The following DNAJC3 variants were observed in gnomAD, a reference collection of about 807,000 sequenced individuals.
DNAJC3 encodes the protein DnaJ heat shock protein family (Hsp40) member C3, also known as dnaJ homolog subfamily C member 3.
Under a neutral mutation model 68.6 loss-of-function variants are expected in DNAJC3, and 38 were observed. The observed-to-expected ratio is 0.55, with a 90% CI of 0.43 to 0.73. The LOEUF (loss-of-function observed/expected upper bound fraction) is 0.73. Among genes scored for constraint, DNAJC3 ranks in the 30% least tolerant of loss-of-function variants. The pLI, the probability that DNAJC3 is intolerant of heterozygous loss-of-function variation, is 0.00. For synonymous variants in DNAJC3, 203 were observed against 204.0 expected (o/e 1.00, Z 0.04); for missense variants, 526 against 591.9 (o/e 0.89, Z 1.16).
rs745312190 is a variant in DNAJC3 at position 95,792,570 on chromosome 13, G to A, written c.*1540G>A. On this transcript the variant is annotated 3_prime_UTR_variant, in exon 12 of 12. Coordinates refer to ENST00000602402, the MANE Select transcript of DNAJC3 (RefSeq NM_006260.5). ...GTCTGTAGTCATATCCTGAAACATA[G>A]GTGGACAAATTTTTAACTGAGAGAC... The A allele has an allele frequency of 1.3e-5, 2 of 152,104 alleles. No homozygotes were observed. The highest frequency in any genetic ancestry group is 2.9e-5 in the Non-Finnish European group (2 of 68,020). 9.4% of individuals were successfully genotyped at this position (152,104 alleles called of 1,614,324 possible). A position where few individuals can be genotyped will look rare whatever the true frequency, so the allele number is the denominator to read the frequency against.
chr13:95,691,925 C>T (rs559151072), intron 1 of DNAJC3, among the ~76,000 whole-genome samples: 5 of 152,302 alleles, frequency 3.3e-5, no homozygotes, highest in South Asian at 2.1e-4. Flanking sequence ...CGTGGCGGCG[C>T]GCGCCTGCAA....
At chr13:95,709,181 C>A in intron 1 of DNAJC3, 46 bp from the exon 2 acceptor site, 2 of 1,331,792 alleles carry the variant, frequency 1.5e-6, no homozygotes, top group Non-Finnish European at 2.0e-6. Context: ...AGAATTAAAT[C>A]TTAGTTCGTG....
In DNAJC3 at chr13:95,791,799, ATAG is replaced by A. The variant is rs765648035; in HGVS notation, c.*771_*773del. 6.6e-5 allele frequency: 10 copies of A among 152,384 alleles called. No individual in the cohort carries two copies. The East Asian group carries it at 1.7e-3, about 26-fold the overall frequency. 9.4% of individuals were successfully genotyped at this position (152,384 alleles called of 1,614,324 possible). A position where few individuals can be genotyped will look rare whatever the true frequency, so the allele number is the denominator to read the frequency against. ...TATAGGTAAAATAAGTTCAGATAAA[ATAG>A]TGGTGGTATTTAAAATAATATTGCT... On this transcript the variant is annotated 3_prime_UTR_variant, in exon 12 of 12. Coordinates refer to ENST00000602402, the MANE Select transcript of DNAJC3 (RefSeq NM_006260.5).
chr13:95,767,401 A>C (rs1441454514), intron 9 of DNAJC3, among the ~76,000 whole-genome samples: 1 of 152,116 alleles, frequency 6.6e-6, no homozygotes, highest in African/African-American at 2.4e-5. Flanking sequence ...TGGATATCCC[A>C]CATTTTGTTT....
chr13:95,698,342 C>T (rs964286028), intron 1 of DNAJC3, among the ~76,000 whole-genome samples: 2 of 152,114 alleles, frequency 1.3e-5, no homozygotes, highest in Non-Finnish European at 2.9e-5. Context: ...AGGTGATGGG[C>T]TAGACAGTGG....
At chr13:95,705,218 C>A (rs1880699466) in intron 1 of DNAJC3, among the ~76,000 whole-genome samples, 1 of 152,090 alleles carries the variant, frequency 6.6e-6, no homozygotes, top group African/African-American at 2.4e-5. Context: ...GTTCATGGGT[C>A]CATTGCACAA....
At chr13:95,688,963 T>TGCGC (rs1491085401) in intron 1 of DNAJC3, among the ~76,000 whole-genome samples, 1 of 143,322 alleles carries the variant, frequency 7.0e-6, no homozygotes, top group African/African-American at 2.7e-5. Flanking sequence ...TGTGTGTGTG[T>TGCGC]GTGCGCGCTG....
intron 1 of DNAJC3, among the ~76,000 whole-genome samples, chr13:95,680,142 G>A (rs1879874590): frequency 2.0e-5 from 3 of 152,208 alleles, no homozygotes; most frequent in Admixed American, 2.0e-4. Flanking sequence ...TTACAGATAA[G>A]GAAGTTATTT....
At chr13:95,783,711 T>C (rs1883516462) in intron 9 of DNAJC3, among the ~76,000 whole-genome samples, 2 of 152,200 alleles carry the variant, frequency 1.3e-5, no homozygotes, top group Admixed American at 6.5e-5. Flanking sequence ...CTGTACGTAG[T>C]GTGTAGCCTG....
At chr13:95,680,482 G>T (rs903408884) in intron 1 of DNAJC3, among the ~76,000 whole-genome samples, 3 of 152,140 alleles carry the variant, frequency 2.0e-5, no homozygotes, top group African/African-American at 7.2e-5. Flanking sequence ...AATAGGGAAA[G>T]AATAAAGTAG....
chr13:95,746,806 G>A (rs984631746), intron 4 of DNAJC3, among the ~76,000 whole-genome samples: 2 of 152,124 alleles, frequency 1.3e-5, no homozygotes, highest in African/African-American at 4.8e-5. Flanking sequence ...AATTTGAATA[G>A]GTGTAATCTC....
At chr13:95,718,713 C>G (rs1881229173) in intron 2 of DNAJC3, among the ~76,000 whole-genome samples, 1 of 152,144 alleles carries the variant, frequency 6.6e-6, no homozygotes, top group Admixed American at 6.6e-5. Flanking sequence ...AAAATTGATT[C>G]TTGATTCATG....
At chr13:95,731,277 G>A (rs982616643) in intron 4 of DNAJC3, among the ~76,000 whole-genome samples, 15 of 152,158 alleles carry the variant, frequency 9.9e-5, no homozygotes, top group Non-Finnish European at 1.8e-4. Flanking sequence ...CAATTTGGAT[G>A]CCTTTTATTT....
At chr13:95,735,478 A>C (rs1361865565) in intron 4 of DNAJC3, among the ~76,000 whole-genome samples, 1 of 143,154 alleles carries the variant, frequency 7.0e-6, no homozygotes, top group Non-Finnish European at 1.5e-5. Flanking sequence ...CCTCTCCAGC[A>C]CCTGTTGTTT....
chr13:95,790,177 G>T (rs1883723485), intron 11 of DNAJC3, among the ~76,000 whole-genome samples: 1 of 152,162 alleles, frequency 6.6e-6, no homozygotes, highest in Non-Finnish European at 1.5e-5. Context: ...AGCAATCTTT[G>T]CTCATACCTA....
At chr13:95,696,134 G>A (rs1336432024) in intron 1 of DNAJC3, among the ~76,000 whole-genome samples, 1 of 152,024 alleles carries the variant, frequency 6.6e-6, no homozygotes, top group Non-Finnish European at 1.5e-5. Flanking sequence ...GACGAAACTC[G>A]ATCCACATGA....
chr13:95,773,715 G>T (rs1421098325), intron 9 of DNAJC3, among the ~76,000 whole-genome samples: 1 of 144,734 alleles, frequency 6.9e-6, no homozygotes, highest in African/African-American at 2.6e-5. Context: ...GACAAAGTTT[G>T]GTCAATTTTG....
chr13:95,691,388 G>T (rs1302447363), intron 1 of DNAJC3, among the ~76,000 whole-genome samples: 1 of 151,566 alleles, frequency 6.6e-6, no homozygotes, highest in African/African-American at 2.4e-5. Context: ...CGGGGCGGCC[G>T]GGCAGAGACG....
At chr13:95,718,071 C>G (rs1483566848) in intron 2 of DNAJC3, among the ~76,000 whole-genome samples, 3 of 152,070 alleles carry the variant, frequency 2.0e-5, no homozygotes, top group Admixed American at 6.6e-5. Context: ...AATCCATCTC[C>G]CATGTTCAAG....
Sources: allele counts gnomAD v4.1 joint callset (sites outside exome capture counted in the v4.1 genomes callset), GRCh38; gene constraint gnomAD v4.1.1; transcripts MANE v1.5; gene names NCBI Gene and HGNC (gene_info 2026-07-23, HGNC 2026-07-21).